LRRK1: variants seen among roughly 807,000 people sequenced by gnomAD.
LRRK1 encodes the protein leucine-rich repeat serine/threonine-protein kinase 1.
LRRK1 carries 113 observed loss-of-function variants against 209.1 expected under a neutral mutation model. That is an observed-to-expected ratio of 0.54 (90% CI 0.46 to 0.63). LRRK1 has a LOEUF of 0.63. Ranked by LOEUF, LRRK1 falls within the 30% of genes least tolerant of loss-of-function variation. LRRK1 has a pLI of 0.00. For synonymous variants in LRRK1, 1,144 were observed against 1,099.7 expected (o/e 1.04, Z -0.80); for missense variants, 2,284 against 2,632.2 (o/e 0.87, Z 2.89).
At chr15:101,013,293 A>G (rs4965353) in intron 10 of LRRK1, among the ~76,000 whole-genome samples, 143,361 of 152,282 alleles carry the variant, frequency 0.94, 68,073 homozygotes, top group East Asian at 1. Context: ...GAAGGAGACA[A>G]AAGCACCAGG....
At chr15:101,026,607 A>G (rs2034045371) in intron 17 of LRRK1, among the ~76,000 whole-genome samples, 1 of 152,230 alleles carries the variant, frequency 6.6e-6, no homozygotes, top group Non-Finnish European at 1.5e-5. Context: ...GTCCATACAG[A>G]TAAGTCCAAT....
intron 10 of LRRK1, among the ~76,000 whole-genome samples, chr15:101,013,912 C>G (rs950689000): frequency 3.3e-5 from 5 of 152,146 alleles, no homozygotes; most frequent in African/African-American, 1.2e-4. Flanking sequence ...GTGGCAGACA[C>G]CAGCACTGTA....
In LRRK1 at chr15:101,009,053, A is replaced by T. The variant is rs2033115270; in HGVS notation, c.979A>T (p.Ile327Phe). The T allele has an allele frequency of 1.2e-6, 2 of 1,613,746 alleles. No individual in the cohort carries two copies. Among genetic ancestry groups the T allele is most frequent in the South Asian group, 2.2e-5 (2 of 91,074 alleles). ...TGGCGTGCAGTCATCGGACGAAATC[A>T]TCTGTTCCAGGTGGCTCCCCGGGGT... Reference protein sequence around the residue: ...LPGVQSSDEIICSRLLEIDIS... With the variant: ...LPGVQSSDEIFCSRLLEIDIS... The change falls in exon 7 of 34, where the codon ATC (isoleucine) becomes TTC (phenylalanine). Residue 327 changes from isoleucine (I) to phenylalanine (F), a missense_variant. Ile to Phe is a conservative substitution (Grantham distance 21). This residue lies in a region of LRRK1 where 494 missense variants were observed against 522.1 expected (regional missense o/e 0.95). Coordinates refer to ENST00000388948, the MANE Select transcript of LRRK1 (RefSeq NM_024652.6).
At chr15:100,941,256 GTGTC>G (rs2042398561) in intron 2 of LRRK1, among the ~76,000 whole-genome samples, 1 of 150,484 alleles carries the variant, frequency 6.6e-6, no homozygotes, top group Non-Finnish European at 1.5e-5. Flanking sequence ...GTCTGTGTGT[GTGTC>G]TGTGTCTCTG....
In LRRK1 at chr15:100,919,392, A is replaced by C. The variant is rs893629368; in HGVS notation, c.-182A>C. 8 of 146,140 alleles carry C rather than the reference A, an allele frequency of 5.5e-5. No individual in the cohort carries two copies. The highest frequency in any genetic ancestry group is 2.0e-4 in the African/African-American group (8 of 40,186). 9.1% of individuals were successfully genotyped at this position (146,140 alleles called of 1,614,324 possible). On this transcript the variant is annotated 5_prime_UTR_variant, in exon 1 of 34. Transcript: ENST00000388948. This position sits in a 1 kb window ranked among gnomAD's most constrained non-coding sequence, Gnocchi z 5.8. ...GGGACGGCCAGGCCCCGGCCCCGCC[A>C]GTGTGTCCGCCCGGCCCCGCGTCCC...
chr15:100,999,630 A>C (rs549442879), intron 6 of LRRK1, among the ~76,000 whole-genome samples: 16 of 152,398 alleles, frequency 1.0e-4, no homozygotes, highest in African/African-American at 3.6e-4. Flanking sequence ...AACCACTTAC[A>C]TAACATAGGA....
intron 10 of LRRK1, among the ~76,000 whole-genome samples, chr15:101,012,417 C>T (rs937631961): frequency 1.3e-5 from 2 of 152,214 alleles, no homozygotes; most frequent in Non-Finnish European, 2.9e-5. Context: ...ATATATGAGG[C>T]TGAGTGGACA....
At chr15:101,053,201 G>C in intron 25 of LRRK1, 22 bp from the exon 26 acceptor site, 2 of 1,600,516 alleles carry the variant, frequency 1.2e-6, no homozygotes, top group Non-Finnish European at 1.7e-6. Flanking sequence ...CCTACTGGCT[G>C]ACACTGCGCT....
chr15:101,058,869 C>T (rs151114655), intron 29 of LRRK1, among the ~76,000 whole-genome samples: 380 of 151,648 alleles, frequency 2.5e-3, no homozygotes, highest in Admixed American at 5.3e-3. Flanking sequence ...ACGTGCTTGC[C>T]GTGGGGTGGG....
In LRRK1 at chr15:101,055,190, A is replaced by C; in HGVS notation, c.4299A>C (p.Pro1433=). 1 of 1,601,230 alleles carries C rather than the reference A, an allele frequency of 6.2e-7. No homozygotes were observed. The highest frequency in any genetic ancestry group is 1.3e-5 in the African/African-American group (1 of 74,694). ...GVEGTPGYQA[P]EIRPRIVYDE... ...AGGGCACTCCTGGCTACCAGGCCCCAGAGATCAGGCCTCGCATTGTATATG... is the reference window on the plus strand; with the variant it reads ...AGGGCACTCCTGGCTACCAGGCCCCCGAGATCAGGCCTCGCATTGTATATG... The change falls in exon 27 of 34, where the codon CCA becomes CCC. Residue 1433 remains proline (P), a synonymous_variant. Transcript: ENST00000388948.
chr15:100,994,350 A>G (rs535972224), intron 6 of LRRK1, among the ~76,000 whole-genome samples: 2 of 152,302 alleles, frequency 1.3e-5, no homozygotes, highest in Non-Finnish European at 2.9e-5. Context: ...TGATGCTCAG[A>G]CCACATCTTA....
Position 101,069,013 on chromosome 15 carries a change from G to T in LRRK1, c.*165G>T. 1.6e-6 allele frequency: 1 copy of T among 616,400 alleles called. No individual in the cohort carries two copies. The highest frequency in any genetic ancestry group is 2.6e-6 in the Non-Finnish European group (1 of 386,468). The allele number at this position is 616,400 out of a possible 1,614,324, so 38.2% of individuals were successfully genotyped here. Reference sequence around the variant, plus strand: ...CTGAGAAGTTACTCGCCTGGCGGTGGCTCCAGGGTTCTCTGGTTCTCTGGA... The same window carrying T: ...CTGAGAAGTTACTCGCCTGGCGGTGTCTCCAGGGTTCTCTGGTTCTCTGGA... On this transcript the variant is annotated 3_prime_UTR_variant, in exon 34 of 34. Coordinates refer to ENST00000388948, the MANE Select transcript of LRRK1 (RefSeq NM_024652.6).
intron 2 of LRRK1, among the ~76,000 whole-genome samples, chr15:100,947,270 T>G (rs761800118): frequency 3.9e-5 from 6 of 152,128 alleles, no homozygotes; most frequent in Non-Finnish European, 5.9e-5. Flanking sequence ...AGTTTTCAAA[T>G]CAAACAAAAC....
chr15:101,065,107 C>A lies in LRRK1; in HGVS notation c.4915-245C>A, dbSNP rs1184009762. 3 of 567,562 alleles carry A rather than the reference C, an allele frequency of 5.3e-6. No individual in the cohort carries two copies. In the Admixed American group the frequency reaches 9.4e-5, roughly 18 times the overall value. The allele number at this position is 567,562 out of a possible 1,614,324, so 35.2% of individuals were successfully genotyped here. A position where few individuals can be genotyped will look rare whatever the true frequency, so the allele number is the denominator to read the frequency against. On this transcript the variant is annotated intron_variant, in intron 31 of 33. Transcript: ENST00000388948. ...ACGCAGCCTTACTTGGTGCCACAGG[C>A]CCTGCCTCTGGGTGGCACATTCCTT...
At chr15:100,959,215 C>A (rs1208071317) in intron 2 of LRRK1, among the ~76,000 whole-genome samples, 2 of 152,304 alleles carry the variant, frequency 1.3e-5, no homozygotes, top group East Asian at 3.9e-4. Flanking sequence ...ATAGACGACC[C>A]CCTTACTAAT....
At position 101,024,844 on chromosome 15, in the gene LRRK1, G is replaced by A. The variant is rs181816210; in HGVS notation, c.2109G>A (p.Pro703=). The A allele has an allele frequency of 5.5e-4, 889 of 1,614,100 alleles. 3 individuals carry two copies. The African/African-American group carries it at 6.3e-3, about 11-fold the overall frequency. ...VEFNVWDIGG[P]ASMATVNQCF... ...TCAACGTCTGGGACATCGGGGGACC[G>A]GCCAGCATGGCCACTGTCAACCAGT... Residue 703 remains proline (P), a synonymous_variant, in exon 16 of 34, where the codon CCG becomes CCA. Coordinates refer to ENST00000388948, the MANE Select transcript of LRRK1 (RefSeq NM_024652.6). The surrounding 1 kb of genome is among the most constrained non-coding windows in gnomAD (Gnocchi z 4.6).
intron 10 of LRRK1, 32 bp downstream of exon 10, chr15:101,012,177 C>T (rs372444303): frequency 7.5e-5 from 118 of 1,566,800 alleles, no homozygotes; most frequent in African/African-American, 5.7e-4. Flanking sequence ...TTCTCATTTT[C>T]GGCTTTTGAG....
intron 29 of LRRK1, 85 bp downstream of exon 29, chr15:101,058,226 A>G (rs2035928847): frequency 2.9e-6 from 4 of 1,384,210 alleles, no homozygotes; most frequent in Non-Finnish European, 4.0e-6. Context: ...GATGTTGACC[A>G]CAGTGAGAAT....
chr15:100,976,210 A>G (rs925705998), intron 3 of LRRK1, among the ~76,000 whole-genome samples: 1 of 152,240 alleles, frequency 6.6e-6, no homozygotes, highest in Non-Finnish European at 1.5e-5. Flanking sequence ...CTAGGTCTAC[A>G]TGGTTTTACT....
Sources: allele counts gnomAD v4.1 joint callset (sites outside exome capture counted in the v4.1 genomes callset), GRCh38; gene constraint gnomAD v4.1.1; regional missense constraint gnomAD v4.1.1; non-coding constraint Gnocchi (gnomAD v3.1); transcripts MANE v1.5; gene names NCBI Gene and HGNC (gene_info 2026-07-23, HGNC 2026-07-21).